Variants in NUGGC observed in about 807,000 individuals in gnomAD.
NUGGC encodes nuclear GTPase, germinal center associated.
Under a neutral mutation model 92.6 loss-of-function variants are expected in NUGGC, and 58 were observed. The observed-to-expected ratio is 0.63, with a 90% CI of 0.51 to 0.78. The LOEUF (loss-of-function observed/expected upper bound fraction) is 0.78. Ranked by LOEUF, NUGGC falls within the 30% of genes least tolerant of loss-of-function variation. The pLI is 0.00. For synonymous variants in NUGGC, 376 were observed against 366.4 expected, an observed-to-expected ratio of 1.03 and a Z score of -0.30; for missense variants, 925 against 964.6, an observed-to-expected ratio of 0.96 and a Z score of 0.54.
At chr8:28,070,921 G>A (rs1029559753) in intron 2 of NUGGC, among the ~76,000 whole-genome samples, 1 of 151,728 alleles carries the variant, frequency 6.6e-6, no homozygotes, top group Non-Finnish European at 1.5e-5. Flanking sequence ...GAGCCCAGGA[G>A]TTGTAGGCTG....
At position 28,070,291 on chromosome 8, in the gene NUGGC, G is replaced by A. The variant is rs866566781; in HGVS notation, c.109C>T (p.Arg37Ter). ...CTCTGCTCCATGGAGGGAAATGCTC[G>A]GAACCGCTGGTCTCGATCTGATTTC... ...RRKSDRDQRF[R>*]AFPSMEQSAL... The change falls in exon 3 of 19, where the codon CGA (arginine) becomes TGA (stop). Residue 37 changes from arginine (R) to a stop codon, truncating the protein, a stop_gained. Coordinates refer to ENST00000413272, the MANE Select transcript of NUGGC (RefSeq NM_001010906.2). LOFTEE classifies it high-confidence loss of function. The A allele has an allele frequency of 3.1e-5, 48 of 1,554,348 alleles. No homozygotes were observed. Among genetic ancestry groups the A allele is most frequent in the African/African-American group, 8.2e-5 (6 of 73,484 alleles).
rs1349690083 is a variant in NUGGC, at chr8:28,063,477, C to T, written c.921+1045G>A. ...CCGAGGTCTTGCAGAAACTAAGGCT[C>T]ACAAGGCCAGGCCTGAGCCACCGAC... On this transcript the variant is annotated intron_variant, in intron 7 of 18. Transcript: ENST00000413272. Among the ~76,000 whole-genome samples, 4 of 152,156 alleles carry T rather than the reference C, an allele frequency of 2.6e-5. No individual in the cohort carries two copies. In the East Asian group the frequency reaches 7.7e-4, roughly 29 times the overall value.
At chr8:28,023,569 C>G (rs1809174673) in intron 18 of NUGGC, 107 bp from the exon 19 acceptor site, 2 of 1,126,916 alleles carry the variant, frequency 1.8e-6, no homozygotes, top group Admixed American at 4.4e-5. Context: ...AATATGAGAT[C>G]TGGAGTGGTG....
At chr8:28,023,523 A>C in intron 18 of NUGGC, 61 bp from the exon 19 acceptor site, 1 of 1,516,238 alleles carries the variant, frequency 6.6e-7, no homozygotes, top group Non-Finnish European at 9.0e-7. Flanking sequence ...CGTCTCCAGA[A>C]AGCAAATCCC....
At chr8:28,083,388 C>T (rs1432667881) in intron 1 of NUGGC, among the ~76,000 whole-genome samples, 1 of 152,200 alleles carries the variant, frequency 6.6e-6, no homozygotes, top group Non-Finnish European at 1.5e-5. Context: ...CCAACCAGTA[C>T]TCCTCAAAAC....
Position 28,045,632 on chromosome 8 carries a change from C to T in NUGGC, c.1341G>A (p.Arg447=), listed in dbSNP as rs201451717. The T allele has an allele frequency of 8.4e-5, 136 of 1,612,772 alleles. No individual in the cohort carries two copies. The highest frequency in any genetic ancestry group is 3.3e-5 in the Admixed American group (2 of 59,936). ...TEIPKLREYI[R]KSLLDKKKRT... is the part of the protein sequence containing the mutation. ...TCTTCTTCTTGTCCAAGAGGCTCTT[C>T]CTGATGTATTCTCTTAACTTAGGGA... Residue 447 remains arginine, a synonymous_variant, in exon 12 of 19, where the codon AGG becomes AGA. Transcript: ENST00000413272.
rs1809147690 is a variant in NUGGC at position 28,022,706 on chromosome 8, C to T, written c.*611G>A. On this transcript the variant is annotated 3_prime_UTR_variant, in exon 19 of 19. Transcript: ENST00000413272. Reference sequence around the variant, plus strand: ...ACAAGAGACTGAGGTGGGAGAGAATCACTTGAGGCCAGGAGTTTGAGACCA... The same window carrying T: ...ACAAGAGACTGAGGTGGGAGAGAATTACTTGAGGCCAGGAGTTTGAGACCA... 1 of 152,082 alleles carries T rather than the reference C, an allele frequency of 6.6e-6. No individual in the cohort carries two copies. Among genetic ancestry groups the T allele is most frequent in the African/African-American group, 2.4e-5 (1 of 41,412 alleles). 9.4% of individuals were successfully genotyped at this position (152,082 alleles called of 1,614,324 possible). A position where few individuals can be genotyped will look rare whatever the true frequency, so the allele number is the denominator to read the frequency against.
At chr8:28,059,422 A>C (rs750541543) in intron 8 of NUGGC, among the ~76,000 whole-genome samples, 27 of 152,242 alleles carry the variant, frequency 1.8e-4, no homozygotes, top group Admixed American at 2.6e-4. Context: ...TATTAAGCCC[A>C]AAAATGCATA....
rs184541812 is a variant in NUGGC at position 28,023,171 on chromosome 8, G to C, written c.*146C>G. On this transcript the variant is annotated 3_prime_UTR_variant, in exon 19 of 19. Coordinates refer to ENST00000413272, the MANE Select transcript of NUGGC (RefSeq NM_001010906.2). ...GAGGATCGCTTGAGCCTAGGAGTTC[G>C]AGGCTGCAGTGAGCTGTGATGGTGC... The C allele has an allele frequency of 4.8e-6, 4 of 836,934 alleles. No individual in the cohort carries two copies. Among genetic ancestry groups the C allele is most frequent in the Non-Finnish European group, 7.2e-6 (4 of 557,998 alleles). 51.8% of individuals were successfully genotyped at this position (836,934 alleles called of 1,614,324 possible).
In NUGGC at chr8:28,083,812, G is replaced by A. The variant is rs570505048; in HGVS notation, c.-84C>T. 1.3e-5 allele frequency: 2 copies of A among 151,910 alleles called. No homozygotes were observed. Among genetic ancestry groups the A allele is most frequent in the African/African-American group, 4.8e-5 (2 of 41,434 alleles). The allele number at this position is 151,910 out of a possible 1,614,324, so 9.4% of individuals were successfully genotyped here. The stretch of plus-strand genomic sequence containing the variant: ...AACAGAAAAAAAAAAAAAAAGTTCT[G>A]GTTTGGTTACAGGAGTCCACAGAGG... On this transcript the variant is annotated 5_prime_UTR_variant, in exon 1 of 19. Coordinates refer to ENST00000413272, the MANE Select transcript of NUGGC (RefSeq NM_001010906.2).
intron 1 of NUGGC, among the ~76,000 whole-genome samples, 180 bp downstream of exon 1, chr8:28,083,595 T>C (rs1318152339): frequency 6.6e-6 from 1 of 152,180 alleles, no homozygotes; most frequent in Non-Finnish European, 1.5e-5. Context: ...GTTCATCAGT[T>C]GTAACAAATG....
intron 16 of NUGGC, 58 bp from the exon 17 acceptor site, chr8:28,029,460 G>T: frequency 6.3e-7 from 1 of 1,588,772 alleles, no homozygotes; most frequent in Non-Finnish European, 8.6e-7. Context: ...GAAATCTTTG[G>T]CACCATGGCC....
intron 5 of NUGGC, 31 bp from the exon 6 acceptor site, chr8:28,067,775 T>C (rs1810478729): frequency 6.5e-7 from 1 of 1,544,486 alleles, no homozygotes. Context: ...CAAGCCCCTC[T>C]TGACACAGAC....
At position 28,022,435 on chromosome 8, in the gene NUGGC, G is replaced by A. The variant is rs1809141854; in HGVS notation, c.*882C>T. Reference sequence around the variant, plus strand: ...AGCCTCCCAAAGTGCTGGGATTACGGGAGTGAGCCACCATGCCCAGCGATG... The same window carrying A: ...AGCCTCCCAAAGTGCTGGGATTACGAGAGTGAGCCACCATGCCCAGCGATG... On this transcript the variant is annotated 3_prime_UTR_variant, in exon 19 of 19. Coordinates refer to ENST00000413272, the MANE Select transcript of NUGGC (RefSeq NM_001010906.2). 6.6e-6 allele frequency: 1 copy of A among 150,808 alleles called. No individual in the cohort carries two copies. Among genetic ancestry groups the A allele is most frequent in the African/African-American group, 2.4e-5 (1 of 41,316 alleles). 9.3% of individuals were successfully genotyped at this position (150,808 alleles called of 1,614,324 possible). A position where few individuals can be genotyped will look rare whatever the true frequency, so the allele number is the denominator to read the frequency against.
intron 2 of NUGGC, 65 bp downstream of exon 2, chr8:28,074,303 C>T (rs1477188797): frequency 5.4e-6 from 6 of 1,105,386 alleles, no homozygotes; most frequent in South Asian, 5.1e-5. Flanking sequence ...AACCTATTTG[C>T]CTTTTATCCT....
intron 17 of NUGGC, among the ~76,000 whole-genome samples, chr8:28,028,879 G>A (rs1333623491): frequency 6.6e-6 from 1 of 152,136 alleles, no homozygotes; most frequent in Non-Finnish European, 1.5e-5. Flanking sequence ...TGGACATGCT[G>A]GAGACAGGCT....
At chr8:28,029,059 A>G (rs527284260) in intron 17 of NUGGC, among the ~76,000 whole-genome samples, 2 of 152,272 alleles carry the variant, frequency 1.3e-5, no homozygotes, top group Admixed American at 6.5e-5. Context: ...ATGTCTAGCT[A>G]TTACAGTCTC....
At chr8:28,057,590 C>T (rs1170439032) in intron 9 of NUGGC, among the ~76,000 whole-genome samples, 5 of 152,108 alleles carry the variant, frequency 3.3e-5, no homozygotes, top group African/African-American at 1.2e-4. Context: ...CCGCCCACCT[C>T]AGCCTTCCAA....
chr8:28,036,465 C>A (rs1158887516), intron 13 of NUGGC, among the ~76,000 whole-genome samples: 3 of 152,132 alleles, frequency 2.0e-5, no homozygotes, highest in Admixed American at 6.6e-5. Flanking sequence ...TCCTCCAGCC[C>A]CACCTCTCTC....
Sources: gnomAD v4.1 joint callset for allele counts (sites outside exome capture counted in the v4.1 genomes callset) on GRCh38, gnomAD v4.1.1 for gene constraint, MANE v1.5 for transcripts, NCBI Gene and HGNC (gene_info 2026-07-23, HGNC 2026-07-21) for gene names.